Variants in CNTN4 observed in about 807,000 individuals in gnomAD.
The protein encoded by CNTN4 is contactin 4.
CNTN4 carries 77 observed loss-of-function variants against 122.5 expected under a neutral mutation model. The ratio of observed to expected loss-of-function variants is 0.63; its 90% CI spans 0.52 to 0.76. CNTN4 has a LOEUF of 0.76. CNTN4 is among the 30% of genes least tolerant of loss of function. CNTN4 has a pLI of 0.00. For synonymous variants in CNTN4, 512 were observed against 447.0 expected (o/e 1.15, Z -1.83); for missense variants, 1,256 against 1,259.1 (o/e 1.00, Z 0.04).
chr3:2,241,578 T>C (rs933410970), intron 2 of CNTN4, among the ~76,000 whole-genome samples: 3 of 152,200 alleles, frequency 2.0e-5, no homozygotes, highest in Admixed American at 1.3e-4. Flanking sequence ...TTCTGCAATG[T>C]CTTTCAGATG....
Position 2,360,463 on chromosome 3 carries a change from C to T in CNTN4, c.-89+21230C>T, listed in dbSNP as rs143496025. ...TTCAGTCTTCTATAATATGTTTGCC[C>T]AATGAAATATGAACACAATATTGCA... On this transcript the variant is annotated intron_variant, in intron 3 of 24. Transcript: ENST00000418658. Among the ~76,000 whole-genome samples, 30 of 152,074 alleles carry T rather than the reference C, an allele frequency of 2.0e-4. No homozygotes were observed. In the East Asian group the frequency reaches 3.9e-3, roughly 20 times the overall value.
At chr3:2,393,746 A>G (rs2046530573) in intron 3 of CNTN4, among the ~76,000 whole-genome samples, 1 of 152,160 alleles carries the variant, frequency 6.6e-6, no homozygotes, top group African/African-American at 2.4e-5. Flanking sequence ...ATACCTAAAG[A>G]GATCAAGGAA....
At chr3:2,653,204 A>G (rs1200506137) in intron 4 of CNTN4, among the ~76,000 whole-genome samples, 1 of 152,104 alleles carries the variant, frequency 6.6e-6, no homozygotes, top group African/African-American at 2.4e-5. Flanking sequence ...TAAAAATTGT[A>G]AAAAAAGCAA....
At chr3:2,802,969 A>C (rs17020557) in intron 6 of CNTN4, among the ~76,000 whole-genome samples, 9,321 of 152,342 alleles carry the variant, frequency 0.061, 410 homozygotes, top group East Asian at 0.19. Context: ...TGATGCATTC[A>C]TAGGACTGTC....
chr3:3,021,256 G>T (rs910405658), intron 14 of CNTN4, among the ~76,000 whole-genome samples: 1 of 152,136 alleles, frequency 6.6e-6, no homozygotes, highest in Non-Finnish European at 1.5e-5. Flanking sequence ...ATGCAGAATT[G>T]ATACAGTTTA....
At chr3:2,266,927 C>A (rs1248068870) in intron 2 of CNTN4, among the ~76,000 whole-genome samples, 2 of 152,008 alleles carry the variant, frequency 1.3e-5, no homozygotes, top group Non-Finnish European at 1.5e-5. Context: ...TATTTTTATT[C>A]CTCTTCAAAT....
intron 2 of CNTN4, among the ~76,000 whole-genome samples, chr3:2,314,355 AT>A: frequency 1.3e-5 from 2 of 152,076 alleles, no homozygotes; most frequent in East Asian, 3.9e-4. Context: ...AACTAAAAAA[AT>A]TTTTTAATGA....
At chr3:2,423,978 T>A (rs1437662456) in intron 3 of CNTN4, among the ~76,000 whole-genome samples, 2 of 96,388 alleles carry the variant, frequency 2.1e-5, no homozygotes, top group Non-Finnish European at 4.1e-5. Flanking sequence ...ACATACCTAA[T>A]GTAAATGACG....
intron 2 of CNTN4, among the ~76,000 whole-genome samples, chr3:2,149,424 G>T (rs1474815587): frequency 6.6e-6 from 1 of 152,164 alleles, no homozygotes; most frequent in Non-Finnish European, 1.5e-5. Context: ...TTACCAATTT[G>T]AGATGAATGC....
At chr3:2,240,686 C>A (rs1391525859) in intron 2 of CNTN4, among the ~76,000 whole-genome samples, 2 of 151,318 alleles carry the variant, frequency 1.3e-5, no homozygotes, top group African/African-American at 4.9e-5. Context: ...CTATGTAACT[C>A]ATGTATGAAA....
chr3:2,391,054 A>G (rs891773843), intron 3 of CNTN4, among the ~76,000 whole-genome samples: 1 of 152,196 alleles, frequency 6.6e-6, no homozygotes, highest in Non-Finnish European at 1.5e-5. Context: ...GCTGGACTGT[A>G]ATGGGGAACC....
At chr3:2,463,771 T>C (rs1178687526) in intron 3 of CNTN4, among the ~76,000 whole-genome samples, 1 of 151,948 alleles carries the variant, frequency 6.6e-6, no homozygotes. Flanking sequence ...AAAAAATAAA[T>C]AAAATAAAAA....
chr3:2,795,810 A>G (rs1488113643), intron 6 of CNTN4, among the ~76,000 whole-genome samples: 3 of 151,956 alleles, frequency 2.0e-5, no homozygotes, highest in African/African-American at 4.8e-5. Flanking sequence ...GTGAGCCACC[A>G]CGCCCAGCCA....
chr3:2,819,383 C>T (rs554420119), intron 6 of CNTN4, 103 bp from the exon 7 acceptor site: 102 of 864,152 alleles, frequency 1.2e-4, no homozygotes, highest in Admixed American at 6.6e-4. Context: ...GTGCTACCAA[C>T]GCAGTTTTGA....
chr3:2,332,722 G>C (rs185651453), intron 2 of CNTN4, among the ~76,000 whole-genome samples: 81 of 145,648 alleles, frequency 5.6e-4, no homozygotes, highest in African/African-American at 1.8e-3. Context: ...GGACTGTTGT[G>C]GGGTGGGGGG....
chr3:2,235,858 G>A (rs1187207286), intron 2 of CNTN4, among the ~76,000 whole-genome samples: 1 of 152,036 alleles, frequency 6.6e-6, no homozygotes, highest in African/African-American at 2.4e-5. Context: ...AAGAGGCATT[G>A]TTCTAAGTGC....
intron 14 of CNTN4, among the ~76,000 whole-genome samples, chr3:3,006,704 T>C (rs1176302759): frequency 6.6e-6 from 1 of 152,200 alleles, no homozygotes; most frequent in Non-Finnish European, 1.5e-5. Flanking sequence ...GAAAGGGACA[T>C]GGGCTTTGGT....
chr3:2,271,720 G>A (rs1454149403), intron 2 of CNTN4, among the ~76,000 whole-genome samples: 2 of 152,064 alleles, frequency 1.3e-5, no homozygotes, highest in African/African-American at 4.8e-5. Context: ...AACAGCTAGT[G>A]GGGTCCCCAA....
chr3:2,771,904 ATAGT>A (rs1379634404), intron 6 of CNTN4, among the ~76,000 whole-genome samples: 1 of 152,178 alleles, frequency 6.6e-6, no homozygotes, highest in Non-Finnish European at 1.5e-5. Context: ...CAGATGGTTG[ATAGT>A]TAAAGAGGCC....
Sources: gnomAD v4.1 joint callset for allele counts (sites outside exome capture counted in the v4.1 genomes callset) on GRCh38, gnomAD v4.1.1 for gene constraint, MANE v1.5 for transcripts, NCBI Gene and HGNC (gene_info 2026-07-23, HGNC 2026-07-21) for gene names.